The following TAF13 variants were observed in gnomAD, a reference collection of about 807,000 sequenced individuals.
TAF13 encodes the protein transcription initiation factor TFIID subunit 13.
TAF13 carries 9 observed loss-of-function variants against 18.7 expected under a neutral mutation model. That is an observed-to-expected ratio of 0.48 (90% CI 0.29 to 0.84). The LOEUF (loss-of-function observed/expected upper bound fraction) is 0.84. TAF13 is among the 40% of genes least tolerant of loss of function. TAF13 has a pLI of 0.08. For synonymous variants in TAF13, 49 were observed against 44.1 expected (o/e 1.11, Z -0.44); for missense variants, 105 against 146.5 (o/e 0.72, Z 1.46).
chr1:109,067,929 C>A (rs1408510921), intron 2 of TAF13, among the ~76,000 whole-genome samples: 1 of 152,166 alleles, frequency 6.6e-6, no homozygotes, highest in African/African-American at 2.4e-5. Flanking sequence ...TTTACTCATA[C>A]CCACAACAGC....
chr1:109,065,252 G>A (rs2102104812), intron 3 of TAF13, among the ~76,000 whole-genome samples: 1 of 152,292 alleles, frequency 6.6e-6, no homozygotes, highest in Middle Eastern at 3.4e-3. Context: ...CACTTTGGGA[G>A]GCTGAGGGGG....
In TAF13 at chr1:109,075,436, T is replaced by C. The variant is rs183590318; in HGVS notation, c.28-371A>G. 4.6e-4 allele frequency among the ~76,000 whole-genome samples: 70 copies of C among 152,354 alleles called. 2 individuals are homozygous for C. The East Asian group carries it at 0.013, about 28-fold the overall frequency. ...TAGTAAGCAAAACTAATATTTCCTA[T>C]GCATTTGCTTATACAGTGCTAAAAA... On this transcript the variant is annotated intron_variant, in intron 1 of 3. Coordinates refer to ENST00000338366, the MANE Select transcript of TAF13 (RefSeq NM_005645.4).
chr1:109,074,190 G>A (rs1157976189), intron 2 of TAF13, among the ~76,000 whole-genome samples: 3 of 152,230 alleles, frequency 2.0e-5, no homozygotes, highest in Non-Finnish European at 4.4e-5. Context: ...TGTCTGTGTA[G>A]AAAGAAGTAG....
Position 109,069,494 on chromosome 1 carries a change from T to A in TAF13, c.107-3262A>T, listed in dbSNP as rs1223900865. Among the ~76,000 whole-genome samples the A allele has an allele frequency of 7.9e-5, 12 of 152,002 alleles. No individual in the cohort carries two copies. The East Asian group carries it at 2.3e-3, about 29-fold the overall frequency. ...TATACATATTCAATAGAGGCACAGT[T>A]TTTTTTTCTGAATATTTTCCATCTG... On this transcript the variant is annotated intron_variant, in intron 2 of 3. Coordinates refer to ENST00000338366, the MANE Select transcript of TAF13 (RefSeq NM_005645.4).
Position 109,073,410 on chromosome 1 carries a change from C to T in TAF13, c.106+1577G>A, listed in dbSNP as rs181859579. 2.1e-3 allele frequency among the ~76,000 whole-genome samples: 317 copies of T among 152,258 alleles called. 3 individuals carry two copies. In the South Asian group the frequency reaches 0.04, roughly 19 times the overall value. ...AAAAAAGCTCTCCCTCCCCCTCCCC[C>T]TCGTCTGCGTCTCCCGCTTTCCACC... On this transcript the variant is annotated intron_variant, in intron 2 of 3. Transcript: ENST00000338366.
At chr1:109,075,369 A>G (rs1227330781) in intron 1 of TAF13, among the ~76,000 whole-genome samples, 2 of 152,212 alleles carry the variant, frequency 1.3e-5, no homozygotes, top group East Asian at 3.8e-4. Context: ...TGTTACTGTT[A>G]AACAGTTGAT....
intron 2 of TAF13, among the ~76,000 whole-genome samples, chr1:109,072,963 C>A (rs191843636): frequency 1.3e-5 from 2 of 150,802 alleles, no homozygotes; most frequent in East Asian, 4.0e-4. Flanking sequence ...GAACTCCTGA[C>A]CTCCAGTGAT....
Position 109,064,616 on chromosome 1 carries a change from T to C in TAF13, c.282A>G (p.Pro94=). The C allele has an allele frequency of 6.3e-7, 1 of 1,584,574 alleles. No homozygotes were observed. Among genetic ancestry groups the C allele is most frequent in the Non-Finnish European group, 8.6e-7 (1 of 1,165,978 alleles). ...AGTCTTTAACCCTGGCAAACTTCCT[T>C]GGGTCCTTTCGAATCAAGAAGACGA... ...EDIVFLIRKD[P]RKFARVKDLL... Residue 94 remains proline, a synonymous_variant, in exon 4 of 4, where the codon CCA becomes CCG. Transcript: ENST00000338366.
rs1445555534 is a variant in TAF13 at position 109,069,210 on chromosome 1, TGTGTGTGTGTGC to T, written c.107-2990_107-2979del. Among the ~76,000 whole-genome samples, 7 of 41,684 alleles carry T rather than the reference TGTGTGTGTGTGC, an allele frequency of 1.7e-4. No homozygotes were observed. In the East Asian group the frequency reaches 5.4e-3, roughly 32 times the overall value. 27.3% of individuals were successfully genotyped at this position (41,684 alleles called of 152,430 possible). A position where few individuals can be genotyped will look rare whatever the true frequency, so the allele number is the denominator to read the frequency against. ...GTGATTACAAGTGTGTGAGTGTGTG[TGTGTGTGTGTGC>T]GCACATGTATACAGTTGTCCCTTAG... On this transcript the variant is annotated intron_variant, in intron 2 of 3. Coordinates refer to ENST00000338366, the MANE Select transcript of TAF13 (RefSeq NM_005645.4).
intron 2 of TAF13, among the ~76,000 whole-genome samples, chr1:109,070,737 C>T (rs1450462897): frequency 1.3e-5 from 2 of 152,026 alleles, no homozygotes; most frequent in East Asian, 1.9e-4. Context: ...ATAGATCTTT[C>T]GTCAGTAACT....
intron 2 of TAF13, among the ~76,000 whole-genome samples, chr1:109,070,568 A>G (rs922616889): frequency 6.6e-6 from 1 of 151,242 alleles, no homozygotes; most frequent in East Asian, 1.9e-4. Context: ...TAATTTTTGT[A>G]TTTTTATTAG....
At chr1:109,065,767 A>G (rs1663941597) in intron 3 of TAF13, among the ~76,000 whole-genome samples, 1 of 152,068 alleles carries the variant, frequency 6.6e-6, no homozygotes, top group Non-Finnish European at 1.5e-5. Context: ...TACTAAAAAT[A>G]CAAAATTAGC....
chr1:109,069,135 G>GT (rs1664006088), intron 2 of TAF13, among the ~76,000 whole-genome samples: 1 of 152,130 alleles, frequency 6.6e-6, no homozygotes, highest in Non-Finnish European at 1.5e-5. Context: ...TATGTAAATG[G>GT]TAAGAAATGC....
At chr1:109,067,876 G>A (rs932333047) in intron 2 of TAF13, among the ~76,000 whole-genome samples, 1 of 152,204 alleles carries the variant, frequency 6.6e-6, no homozygotes, top group African/African-American at 2.4e-5. Flanking sequence ...AAGCTAGTAA[G>A]AGATGGAACC....
intron 3 of TAF13, among the ~76,000 whole-genome samples, chr1:109,065,768 CAA>C (rs1366837306): frequency 1.3e-5 from 2 of 151,708 alleles, no homozygotes; most frequent in Non-Finnish European, 2.9e-5. Flanking sequence ...ACTAAAAATA[CAA>C]AATTAGCTGG....
At position 109,074,918 on chromosome 1, in the gene TAF13, GCTA is replaced by G. The variant is rs558730286; in HGVS notation, c.106+66_106+68del. On this transcript the variant is annotated intron_variant, in intron 2 of 3. Coordinates refer to ENST00000338366, the MANE Select transcript of TAF13 (RefSeq NM_005645.4). ...ACAGGGAAACATTCAAAGCAATAAA[GCTA>G]CTTTGAAAGGACATGTCCAAAAGTT... 137 of 1,134,542 alleles carry G rather than the reference GCTA, an allele frequency of 1.2e-4. No individual in the cohort carries two copies. In the South Asian group the frequency reaches 1.9e-3, roughly 15 times the overall value. The allele number at this position is 1,134,542 out of a possible 1,614,324, so 70.3% of individuals were successfully genotyped here. A position where few individuals can be genotyped will look rare whatever the true frequency, so the allele number is the denominator to read the frequency against.
chr1:109,072,267 G>C (rs1664091268), intron 2 of TAF13, among the ~76,000 whole-genome samples: 2 of 151,050 alleles, frequency 1.3e-5, no homozygotes, highest in Non-Finnish European at 2.9e-5. Flanking sequence ...TTACATAAAG[G>C]ACCCAGGACT....
At chr1:109,074,470 A>C (rs1664144686) in intron 2 of TAF13, among the ~76,000 whole-genome samples, 1 of 151,990 alleles carries the variant, frequency 6.6e-6, no homozygotes, top group Non-Finnish European at 1.5e-5. Flanking sequence ...GCCTAGGAAA[A>C]CCAGAGACCC....
chr1:109,072,837 GTGGCGCAATCT>G (rs1418534342), intron 2 of TAF13, among the ~76,000 whole-genome samples: 3 of 148,392 alleles, frequency 2.0e-5, no homozygotes, highest in African/African-American at 7.5e-5. Context: ...CTAGAGTGCA[GTGGCGCAATCT>G]TGGCTCACTG....
Sources: gnomAD v4.1 joint callset for allele counts (sites outside exome capture counted in the v4.1 genomes callset) on GRCh38, gnomAD v4.1.1 for gene constraint, MANE v1.5 for transcripts, NCBI Gene and HGNC (gene_info 2026-07-23, HGNC 2026-07-21) for gene names.